CNBD1: variants seen among roughly 807,000 people sequenced by gnomAD.
CNBD1 encodes cyclic nucleotide-binding domain-containing protein 1.
CNBD1 carries 71 observed loss-of-function variants against 54.4 expected under a neutral mutation model. That is an observed-to-expected ratio of 1.30 (90% CI 1.08 to 1.59). CNBD1 has a LOEUF of 1.59. CNBD1 is among the 40% of genes most tolerant of loss of function. The pLI is 0.00. For missense variants in CNBD1, 659 were observed against 518.0 expected (o/e 1.27, Z -2.64); for synonymous variants, 182 against 170.7 (o/e 1.07, Z -0.51).
intron 4 of CNBD1, among the ~76,000 whole-genome samples, chr8:87,003,448 C>G (rs930596358): frequency 2.6e-5 from 4 of 152,140 alleles, no homozygotes; most frequent in South Asian, 2.1e-4. Context: ...TAGGTCTTAG[C>G]AAAAAATGTC....
At chr8:87,323,179 C>A (rs1327367141) in intron 8 of CNBD1, among the ~76,000 whole-genome samples, 1 of 122,886 alleles carries the variant, frequency 8.1e-6, no homozygotes. Context: ...TGTTTTGGTA[C>A]CAGTACCATG....
intron 6 of CNBD1, among the ~76,000 whole-genome samples, chr8:87,281,510 T>C (rs1353252649): frequency 7.2e-6 from 1 of 138,212 alleles, no homozygotes; most frequent in African/African-American, 2.6e-5. Context: ...ATCTACTATT[T>C]GTTTTTTTCA....
chr8:87,019,136 T>C (rs1050134050), intron 4 of CNBD1, among the ~76,000 whole-genome samples: 1 of 152,188 alleles, frequency 6.6e-6, no homozygotes, highest in African/African-American at 2.4e-5. Context: ...TTGCTGTAAG[T>C]CTGTAACAAA....
At chr8:87,270,110 C>G (rs1808332476) in intron 6 of CNBD1, among the ~76,000 whole-genome samples, 1 of 151,932 alleles carries the variant, frequency 6.6e-6, no homozygotes, top group African/African-American at 2.4e-5. Context: ...TCAACATACA[C>G]AAATCAATAA....
At chr8:87,064,546 G>T (rs1336260643) in intron 4 of CNBD1, among the ~76,000 whole-genome samples, 1 of 151,726 alleles carries the variant, frequency 6.6e-6, no homozygotes, top group East Asian at 1.9e-4. Flanking sequence ...TTTAAAGGAT[G>T]TTATTGTTTT....
intron 5 of CNBD1, among the ~76,000 whole-genome samples, chr8:87,233,096 A>T (rs1380761548): frequency 3.3e-5 from 5 of 152,132 alleles, no homozygotes; most frequent in Non-Finnish European, 7.4e-5. Context: ...TAGTAACTAC[A>T]ACAACATAAA....
chr8:86,963,068 T>C (rs1807973929), intron 4 of CNBD1, among the ~76,000 whole-genome samples: 1 of 152,166 alleles, frequency 6.6e-6, no homozygotes, highest in Non-Finnish European at 1.5e-5. Flanking sequence ...TGTTCCTCTC[T>C]CTTCCTAGCG....
chr8:86,881,454 C>T (rs1363400692), intron 1 of CNBD1, among the ~76,000 whole-genome samples: 1 of 152,054 alleles, frequency 6.6e-6, no homozygotes, highest in Non-Finnish European at 1.5e-5. Flanking sequence ...AGGAATACAG[C>T]TAACAAGGGA....
At chr8:86,878,761 C>T (rs550405944) in intron 1 of CNBD1, among the ~76,000 whole-genome samples, 1 of 152,262 alleles carries the variant, frequency 6.6e-6, no homozygotes, top group African/African-American at 2.4e-5. Context: ...TTCCTATTTC[C>T]TCAAACAAGA....
At chr8:87,136,435 A>G (rs1303506387) in intron 4 of CNBD1, among the ~76,000 whole-genome samples, 1 of 146,944 alleles carries the variant, frequency 6.8e-6, no homozygotes, top group East Asian at 2.0e-4. Flanking sequence ...TTAGAAAGCT[A>G]TAATTCATTT....
intron 8 of CNBD1, among the ~76,000 whole-genome samples, chr8:87,337,839 G>A (rs1563559243): frequency 6.6e-6 from 1 of 152,154 alleles, no homozygotes; most frequent in Non-Finnish European, 1.5e-5. Context: ...CTCGGTTGCT[G>A]GGTGCAGGAT....
At chr8:87,241,664 T>C (rs1476903269) in intron 6 of CNBD1, among the ~76,000 whole-genome samples, 1 of 152,134 alleles carries the variant, frequency 6.6e-6, no homozygotes, top group African/African-American at 2.4e-5. Flanking sequence ...ACTGCTTTGG[T>C]CTAGGAGTGA....
intron 3 of CNBD1, among the ~76,000 whole-genome samples, chr8:86,927,246 CA>C (rs1361448578): frequency 2.0e-5 from 3 of 151,970 alleles, no homozygotes; most frequent in Non-Finnish European, 4.4e-5. Context: ...GAGAAAAAAC[CA>C]TTTTGTATTT....
chr8:87,271,410 T>C (rs778398511), intron 6 of CNBD1, among the ~76,000 whole-genome samples: 12 of 152,006 alleles, frequency 7.9e-5, no homozygotes, highest in Non-Finnish European at 1.2e-4. Flanking sequence ...TTAATACTGC[T>C]TTTTCTGTAT....
At chr8:87,009,580 G>A (rs919100014) in intron 4 of CNBD1, among the ~76,000 whole-genome samples, 52 of 152,140 alleles carry the variant, frequency 3.4e-4, no homozygotes, top group African/African-American at 1.2e-3. Flanking sequence ...GGGTTTACAG[G>A]CATGAGCCAC....
chr8:87,259,742 A>G (rs913739215), intron 6 of CNBD1, among the ~76,000 whole-genome samples: 1 of 152,180 alleles, frequency 6.6e-6, no homozygotes, highest in Admixed American at 6.6e-5. Flanking sequence ...TCCTTGGAAG[A>G]ACAGAGCCAG....
intron 1 of CNBD1, among the ~76,000 whole-genome samples, chr8:86,883,013 C>T (rs560829372): frequency 6.6e-6 from 1 of 151,998 alleles, no homozygotes; most frequent in Non-Finnish European, 1.5e-5. Context: ...TACACTGAGA[C>T]TTACTGGAGG....
intron 2 of CNBD1, among the ~76,000 whole-genome samples, chr8:87,413,370 T>C (rs151074264): frequency 2.0e-5 from 3 of 152,234 alleles, no homozygotes; most frequent in East Asian, 1.9e-4. Flanking sequence ...CCACTTAAAA[T>C]ATTGTTTAAC....
At chr8:87,293,241 AT>A (rs1257697091) in intron 8 of CNBD1, among the ~76,000 whole-genome samples, 1 of 152,188 alleles carries the variant, frequency 6.6e-6, no homozygotes, top group Non-Finnish European at 1.5e-5. Context: ...AAAGAAATAC[AT>A]TTTTAAATCA....
Sources: gnomAD v4.1 joint callset for allele counts (sites outside exome capture counted in the v4.1 genomes callset) on GRCh38, gnomAD v4.1.1 for gene constraint, MANE v1.5 for transcripts, NCBI Gene and HGNC (gene_info 2026-07-23, HGNC 2026-07-21) for gene names.